LYRM4: variants seen among roughly 807,000 people sequenced by gnomAD.
The protein encoded by LYRM4 is LYR motif containing 4.
In LYRM4, 9 loss-of-function variants were observed where a neutral mutation model predicts 11.7. The observed-to-expected ratio is 0.77, with a 90% CI of 0.46 to 1.34. The LOEUF (loss-of-function observed/expected upper bound fraction) is 1.34, where lower values mean the gene tolerates loss of function less well. LYRM4 is among the 40% of genes most tolerant of loss of function. The pLI, the probability that LYRM4 is intolerant of heterozygous loss-of-function variation, is 0.00. For synonymous variants in LYRM4, 42 were observed against 40.4 expected (o/e 1.04, Z -0.15); for missense variants, 133 against 112.5 (o/e 1.18, Z -0.82).
chr6:5,040,428 A>T, the LYRM4 span, among the ~76,000 whole-genome samples: 1 of 151,906 alleles, frequency 6.6e-6, no homozygotes, highest in Non-Finnish European at 1.5e-5. Flanking sequence ...AAGGCTGGGC[A>T]TGGTGGCTCA....
At chr6:5,146,591 A>G (rs1757739613) in intron 2 of LYRM4, among the ~76,000 whole-genome samples, 1 of 152,096 alleles carries the variant, frequency 6.6e-6, no homozygotes. Flanking sequence ...TTCCCCCTGA[A>G]GCGGGCCTCT....
In LYRM4 at chr6:5,133,873, C is replaced by T. The variant is rs1360845594; in HGVS notation, c.208-24382G>A. Among the ~76,000 whole-genome samples the T allele has an allele frequency of 2.0e-5, 3 of 152,148 alleles. No homozygotes were observed. In the South Asian group the frequency reaches 6.2e-4, roughly 32 times the overall value. On this transcript the variant is annotated intron_variant, in intron 2 of 2. Transcript: ENST00000330636. ...ATCATATAATATGTGGCTTTTGTGTCAGGCTTCTTTCATTTACCGCAGTGT... is the reference window on the plus strand; with the variant it reads ...ATCATATAATATGTGGCTTTTGTGTTAGGCTTCTTTCATTTACCGCAGTGT...
At chr6:5,145,775 G>A (rs1327505825) in intron 2 of LYRM4, among the ~76,000 whole-genome samples, 5 of 152,078 alleles carry the variant, frequency 3.3e-5, no homozygotes, top group South Asian at 2.1e-4. Flanking sequence ...TTACACCCAC[G>A]GCTTCACCAC....
rs922006035 is a variant in LYRM4 at position 5,108,622 on chromosome 6, C to G, written c.*801G>C. 1.6e-5 allele frequency: 6 copies of G among 371,884 alleles called. No individual in the cohort carries two copies. Among genetic ancestry groups the G allele is most frequent in the Non-Finnish European group, 1.9e-5 (5 of 268,838 alleles). 23.0% of individuals were successfully genotyped at this position (371,884 alleles called of 1,614,324 possible). On this transcript the variant is annotated 3_prime_UTR_variant, in exon 3 of 3. Coordinates refer to ENST00000330636, the MANE Select transcript of LYRM4 (RefSeq NM_020408.6). Reference sequence around the variant, plus strand: ...AAAAAGCTCTCCAACTCTCCAGGTGCTTCTGTCCACCAGCCAGATTTGGGC... The same window carrying G: ...AAAAAGCTCTCCAACTCTCCAGGTGGTTCTGTCCACCAGCCAGATTTGGGC...
chr6:5,250,449 C>T (rs1030605196), intron 1 of LYRM4, among the ~76,000 whole-genome samples: 1 of 152,142 alleles, frequency 6.6e-6, no homozygotes, highest in South Asian at 2.1e-4. Flanking sequence ...ATATTTTCTA[C>T]TCTAAGTTAA....
In LYRM4 at chr6:5,240,612, T is replaced by A. The variant is rs371111319; in HGVS notation, c.86+20036A>T. 5.3e-5 allele frequency: 8 copies of A among 152,348 alleles called. No individual in the cohort carries two copies. In the South Asian group the frequency reaches 1.0e-3, roughly 20 times the overall value. The allele number at this position is 152,348 out of a possible 1,614,324, so 9.4% of individuals were successfully genotyped here. On this transcript the variant is annotated intron_variant, in intron 1 of 2. Coordinates refer to ENST00000330636, the MANE Select transcript of LYRM4 (RefSeq NM_020408.6). ...AGACAAGACATCCTGGGCAAAGTAC[T>A]CAGGGGCTTCCGTCTCCCCGCAGAC...
the LYRM4 span, among the ~76,000 whole-genome samples, chr6:5,074,499 G>A: frequency 1.3e-5 from 2 of 148,764 alleles, no homozygotes; most frequent in African/African-American, 5.0e-5. Context: ...AGTGGAAGAA[G>A]TCAATGCAGA....
chr6:5,044,509 G>A, the LYRM4 span, among the ~76,000 whole-genome samples: 1 of 152,230 alleles, frequency 6.6e-6, no homozygotes, highest in Admixed American at 6.5e-5. Flanking sequence ...CAGGAGGGCA[G>A]GGCTCACCTG....
intron 1 of LYRM4, among the ~76,000 whole-genome samples, chr6:5,246,967 T>G (rs138591693): frequency 5.9e-5 from 9 of 152,262 alleles, no homozygotes; most frequent in Non-Finnish European, 1.2e-4. Flanking sequence ...CTGAGGTGTC[T>G]GGACATACTT....
chr6:5,162,239 T>C (rs1004111999), intron 2 of LYRM4, among the ~76,000 whole-genome samples: 3 of 152,218 alleles, frequency 2.0e-5, no homozygotes, highest in African/African-American at 7.2e-5. Flanking sequence ...ATGATTTCAA[T>C]CAGTATGTAT....
downstream of LYRM4, chr6:5,102,674 C>T (rs1762540596): frequency 3.3e-5 from 5 of 152,360 alleles, no homozygotes; most frequent in South Asian, 8.3e-4. Flanking sequence ...GAAGCAGCCT[C>T]TCACTGGAAG....
chr6:5,164,061 A>G (rs1758928226), intron 2 of LYRM4, among the ~76,000 whole-genome samples: 1 of 152,226 alleles, frequency 6.6e-6, no homozygotes. Context: ...CATATCCACT[A>G]GAATTGTTAA....
At chr6:5,037,798 G>C in the LYRM4 span, among the ~76,000 whole-genome samples, 2 of 62,514 alleles carry the variant, frequency 3.2e-5, no homozygotes, top group African/African-American at 4.1e-5. Context: ...GGACGGGGCG[G>C]CTGGCCGGGC....
chr6:5,235,013 G>A (rs189727920), intron 1 of LYRM4, among the ~76,000 whole-genome samples: 188 of 151,988 alleles, frequency 1.2e-3, no homozygotes, highest in Non-Finnish European at 2.1e-3. Context: ...CCTTGTACCC[G>A]GGGACTCACT....
the LYRM4 span, among the ~76,000 whole-genome samples, chr6:5,081,311 T>A: frequency 2.0e-5 from 3 of 152,140 alleles, no homozygotes; most frequent in Non-Finnish European, 4.4e-5. Flanking sequence ...ATCCCCACCA[T>A]CCATTGTGCC....
chr6:5,100,567 G>A (rs1012741348), downstream of LYRM4, among the ~76,000 whole-genome samples: 1 of 151,694 alleles, frequency 6.6e-6, no homozygotes, highest in Admixed American at 6.6e-5. Context: ...AGTTCCATCA[G>A]CTGTGGTTAG....
intron 2 of LYRM4, among the ~76,000 whole-genome samples, chr6:5,171,345 G>A (rs549960394): frequency 6.6e-6 from 1 of 152,228 alleles, no homozygotes; most frequent in Non-Finnish European, 1.5e-5. Flanking sequence ...ACTGTTTCGG[G>A]AGAGTCCTCC....
the LYRM4 span, among the ~76,000 whole-genome samples, chr6:5,058,760 C>T: frequency 2.0e-5 from 3 of 152,130 alleles, no homozygotes; most frequent in African/African-American, 7.2e-5. Context: ...TGTGTCTCCC[C>T]ACTATTTTTA....
In LYRM4 at chr6:5,118,350, C is replaced by T. The variant is rs538254530; in HGVS notation, c.208-8859G>A. Among the ~76,000 whole-genome samples, 6 of 152,198 alleles carry T rather than the reference C, an allele frequency of 3.9e-5. No homozygotes were observed. The East Asian group carries it at 1.2e-3, about 29-fold the overall frequency. ...CAGGCCGGTCGCAAACTCCTGACTT[C>T]AGGTGATCCGCCTGACTCGGCCTCC... On this transcript the variant is annotated intron_variant, in intron 2 of 2. Coordinates refer to ENST00000330636, the MANE Select transcript of LYRM4 (RefSeq NM_020408.6).
Sources: gnomAD v4.1 joint callset for allele counts (sites outside exome capture counted in the v4.1 genomes callset) on GRCh38, gnomAD v4.1.1 for gene constraint, MANE v1.5 for transcripts, NCBI Gene and HGNC (gene_info 2026-07-23, HGNC 2026-07-21) for gene names.